Variants in SPNS3 observed in about 807,000 individuals in gnomAD.
SPNS3 encodes protein spinster homolog 3.
SPNS3 carries 51 observed loss-of-function variants against 54.4 expected under a neutral mutation model. That is an observed-to-expected ratio of 0.94 (90% CI 0.75 to 1.18). The LOEUF (loss-of-function observed/expected upper bound fraction) is 1.18, where lower values mean the gene tolerates loss of function less well. Among genes scored for constraint, SPNS3 ranks in the 50% most tolerant of loss-of-function variants. SPNS3 has a pLI of 0.00. For missense variants in SPNS3, 669 were observed against 677.4 expected, an observed-to-expected ratio of 0.99 and a Z score of 0.14; for synonymous variants, 309 against 294.7, an observed-to-expected ratio of 1.05 and a Z score of -0.50.
At chr17:4,439,284 C>T (rs893280097) in intron 1 of SPNS3, among the ~76,000 whole-genome samples, 7 of 152,006 alleles carry the variant, frequency 4.6e-5, no homozygotes, top group Admixed American at 1.3e-4. Flanking sequence ...CCACCACGTC[C>T]GGCTAATTTT....
intron 2 of SPNS3, 166 bp from the exon 3 acceptor site, chr17:4,444,866 C>A: frequency 2.4e-6 from 2 of 822,516 alleles, no homozygotes; most frequent in Non-Finnish European, 3.9e-6. Flanking sequence ...TGCATGTTGG[C>A]CACGCACTGT....
chr17:4,458,609 CT>C (rs1224675427), intron 8 of SPNS3, among the ~76,000 whole-genome samples: 2 of 105,734 alleles, frequency 1.9e-5, no homozygotes, highest in East Asian at 2.3e-4. Context: ...TTCTTTCTTT[CT>C]TTCTTTCTTT....
chr17:4,451,503 G>A (rs1049493704), intron 7 of SPNS3, among the ~76,000 whole-genome samples: 10 of 152,070 alleles, frequency 6.6e-5, no homozygotes, highest in African/African-American at 9.7e-5. Context: ...AAGCTACATC[G>A]GTCAGCGTGG....
intron 8 of SPNS3, among the ~76,000 whole-genome samples, chr17:4,458,689 C>CCCTT (rs1971414868): frequency 1.4e-5 from 2 of 146,126 alleles, no homozygotes; most frequent in African/African-American, 5.1e-5. Context: ...TCTTTTCCTT[C>CCCTT]CCTTCCTTCC....
Position 4,478,587 on chromosome 17 carries a change from G to T in SPNS3, c.1129G>T (p.Gly377Trp). 6.3e-7 allele frequency: 1 copy of T among 1,581,912 alleles called. No homozygotes were observed. Among genetic ancestry groups the T allele is most frequent in the South Asian group, 1.2e-5 (1 of 86,292 alleles). The change falls in exon 9 of 12, where the codon GGG becomes TGG. Residue 377 changes from glycine to tryptophan, a missense_variant. Gly to Trp is a radical substitution (Grantham distance 184, BLOSUM62 -2). Coordinates refer to ENST00000355530, the MANE Select transcript of SPNS3 (RefSeq NM_182538.5). Reference sequence around the variant, plus strand: ...CTGTCCACAGGTGTTCCTGGGCCTTGGGGAGCTGCTTCTGTCCTGCAACTG... The same window carrying T: ...CTGTCCACAGGTGTTCCTGGGCCTTTGGGAGCTGCTTCTGTCCTGCAACTG... ...LLASYVFLGL[G>W]ELLLSCNWAV...
Position 4,483,166 on chromosome 17 carries a change from G to C in SPNS3, c.1180-3062G>C, listed in dbSNP as rs1413546947. ...GGGCGTCTGGGGGCGAGGCCTGGGT[G>C]GGGGTGCAGGAGGCAGGCTGCCTGG... On this transcript the variant is annotated intron_variant, in intron 9 of 11. Transcript: ENST00000355530. This position sits in a 1 kb window ranked among gnomAD's most constrained non-coding sequence, Gnocchi z 4.2. Among the ~76,000 whole-genome samples, 1 of 152,204 alleles carries C rather than the reference G, an allele frequency of 6.6e-6. No homozygotes were observed. The highest frequency in any genetic ancestry group is 2.4e-5 in the African/African-American group (1 of 41,456).
intron 2 of SPNS3, among the ~76,000 whole-genome samples, chr17:4,441,142 T>A (rs1291521291): frequency 6.6e-6 from 1 of 152,222 alleles, no homozygotes; most frequent in Admixed American, 6.5e-5. Flanking sequence ...AATCCCATCC[T>A]TGGCAACGAT....
intron 1 of SPNS3, 48 bp downstream of exon 1, chr17:4,434,214 CAGCCAGGGGCTGCAGATCCATGG>C: frequency 6.6e-7 from 1 of 1,521,054 alleles, no homozygotes; most frequent in South Asian, 1.2e-5. Flanking sequence ...CTGTGCCCAC[CAGCCAGGGGCTGCAGATCCATGG>C]TGGCCTTCCA....
chr17:4,434,120 C>T lies in SPNS3; in HGVS notation c.153C>T (p.Leu51=), dbSNP rs1352954005. 1 of 1,612,392 alleles carries T rather than the reference C, an allele frequency of 6.2e-7. No individual in the cohort carries two copies. Among genetic ancestry groups the T allele is most frequent in the East Asian group, 2.2e-5 (1 of 44,724 alleles). Residue 51 remains leucine, a synonymous_variant, in exon 1 of 12, where the codon CTC becomes CTT. Coordinates refer to ENST00000355530, the MANE Select transcript of SPNS3 (RefSeq NM_182538.5). ...PWRAYVAAAV[L]CYINLLNYMN... is the part of the protein sequence containing the mutation. ...GGGCCTACGTGGCTGCCGCCGTCCT[C>T]TGCTACATCAACCTCCTGAATTACA...
chr17:4,472,774 C>CTTTT lies in SPNS3; in HGVS notation c.1114-5768_1114-5765dup, dbSNP rs375118697. On this transcript the variant is annotated intron_variant, in intron 8 of 11. Transcript: ENST00000355530. ...ATTGTCTGCTCTTTTGCTTGGCAGC[C>CTTTT]TTTTTTTTTTTTTTTTTTTTTTTTT... Among the ~76,000 whole-genome samples the CTTTT allele has an allele frequency of 1.6e-3, 82 of 50,952 alleles. 4 individuals are homozygous for CTTTT. The highest frequency in any genetic ancestry group is 2.0e-3 in the African/African-American group (23 of 11,262). 33.4% of individuals were successfully genotyped at this position (50,952 alleles called of 152,430 possible).
In SPNS3 at chr17:4,476,998, C is replaced by T. The variant is rs1428606314; in HGVS notation, c.1114-1574C>T. Among the ~76,000 whole-genome samples the T allele has an allele frequency of 3.9e-5, 6 of 152,332 alleles. No individual in the cohort carries two copies. In the East Asian group the frequency reaches 5.8e-4, roughly 15 times the overall value. ...GCCCGTCCTGATCCTGACTGTCCTTCAGGGCTCTCCCTGGCGCCACCTCTG... is the reference window on the plus strand; with the variant it reads ...GCCCGTCCTGATCCTGACTGTCCTTTAGGGCTCTCCCTGGCGCCACCTCTG... On this transcript the variant is annotated intron_variant, in intron 8 of 11. Coordinates refer to ENST00000355530, the MANE Select transcript of SPNS3 (RefSeq NM_182538.5).
At chr17:4,470,498 G>T (rs1031129525) in intron 8 of SPNS3, among the ~76,000 whole-genome samples, 3 of 151,906 alleles carry the variant, frequency 2.0e-5, no homozygotes, top group Non-Finnish European at 4.4e-5. Context: ...CTGGTTTTTC[G>T]TACATTCACA....
At position 4,486,600 on chromosome 17, in the gene SPNS3, A is replaced by G; in HGVS notation, c.1450+17A>G. 1 of 1,597,364 alleles carries G rather than the reference A, an allele frequency of 6.3e-7. No homozygotes were observed. Among genetic ancestry groups the G allele is most frequent in the South Asian group, 1.1e-5 (1 of 89,942 alleles). On this transcript the variant is annotated intron_variant, in intron 11 of 11. Transcript: ENST00000355530. This position sits in a 1 kb window ranked among gnomAD's most constrained non-coding sequence, Gnocchi z 5.5. The stretch of plus-strand genomic sequence containing the variant: ...CTGTCACAGGTACCCTACCCATTGC[A>G]CCAGGCCCGGCTCAGGGCCGGCACC...
intron 9 of SPNS3, among the ~76,000 whole-genome samples, chr17:4,485,742 C>T (rs535491657): frequency 1.3e-5 from 2 of 152,348 alleles, no homozygotes; most frequent in South Asian, 2.1e-4. Context: ...TGGAGTCGTG[C>T]GGGCTTCTCC....
chr17:4,438,965 T>C (rs1352069315), intron 1 of SPNS3, among the ~76,000 whole-genome samples: 4 of 150,696 alleles, frequency 2.7e-5, no homozygotes, highest in African/African-American at 9.8e-5. Flanking sequence ...TGTGTGTGTG[T>C]ATTTGTGCCT....
intron 7 of SPNS3, 92 bp downstream of exon 7, chr17:4,449,479 T>C (rs958882803): frequency 2.9e-5 from 40 of 1,402,228 alleles, no homozygotes; most frequent in African/African-American, 5.8e-5. Flanking sequence ...ATTCAGTTTC[T>C]TGGGGTGGGG....
intron 8 of SPNS3, among the ~76,000 whole-genome samples, chr17:4,475,992 C>T (rs943157884): frequency 1.3e-5 from 2 of 152,144 alleles, no homozygotes; most frequent in South Asian, 2.1e-4. Flanking sequence ...GGCACCCTGG[C>T]GTCGTACCGT....
intron 8 of SPNS3, among the ~76,000 whole-genome samples, chr17:4,473,105 T>C (rs1054974860): frequency 9.9e-5 from 15 of 152,090 alleles, no homozygotes; most frequent in African/African-American, 1.9e-4. Flanking sequence ...ATTGAATGTT[T>C]ATTTCACTAG....
rs531467530 is a variant in SPNS3, at chr17:4,453,191, C to T, written c.1099C>T (p.Leu367=). ...YLALVLAPTT[L]LASYVFLGLG... is the part of the protein sequence containing the mutation. ...GGCTCTCGTCCTGGCCCCGACCACCCTGCTGGCCTCCTATGTAAGTGAGAG... is the reference window on the plus strand; with the variant it reads ...GGCTCTCGTCCTGGCCCCGACCACCTTGCTGGCCTCCTATGTAAGTGAGAG... The change falls in exon 8 of 12, where the codon CTG becomes TTG. Residue 367 remains leucine, a synonymous_variant. Coordinates refer to ENST00000355530, the MANE Select transcript of SPNS3 (RefSeq NM_182538.5). 600 of 1,612,836 alleles carry T rather than the reference C, an allele frequency of 3.7e-4. 12 individuals carry two copies. The South Asian group carries it at 6.3e-3, about 17-fold the overall frequency.
Sources: gnomAD v4.1 joint callset for allele counts (sites outside exome capture counted in the v4.1 genomes callset) on GRCh38, gnomAD v4.1.1 for gene constraint, Gnocchi (gnomAD v3.1) non-coding constraint, MANE v1.5 for transcripts, NCBI Gene and HGNC (gene_info 2026-07-23, HGNC 2026-07-21) for gene names.